Variants in KIAA1217 observed in about 807,000 individuals in gnomAD.
KIAA1217 encodes KIAA1217.
Under a neutral mutation model 163.9 loss-of-function variants are expected in KIAA1217, and 88 were observed. The ratio of observed to expected loss-of-function variants is 0.54; its 90% CI spans 0.45 to 0.64. The LOEUF is 0.64. KIAA1217 is among the 30% of genes least tolerant of loss of function. The pLI, the probability that KIAA1217 is intolerant of heterozygous loss-of-function variation, is 0.00. For missense variants in KIAA1217, 2,372 were observed against 2,475.0 expected (o/e 0.96, Z 0.88); for synonymous variants, 903 against 923.1 (o/e 0.98, Z 0.39).
intron 1 of KIAA1217, among the ~76,000 whole-genome samples, chr10:23,876,057 C>A (rs1017684036): frequency 7.3e-5 from 11 of 151,164 alleles, no homozygotes; most frequent in African/African-American, 2.7e-4. Context: ...ATGTAACAAA[C>A]CTGCATGTTG....
intron 1 of KIAA1217, among the ~76,000 whole-genome samples, chr10:23,902,100 T>C (rs1404507421): frequency 6.6e-6 from 1 of 152,070 alleles, no homozygotes; most frequent in African/African-American, 2.4e-5. Flanking sequence ...CTAGCAGTTC[T>C]TATCTCATTT....
chr10:24,423,472 T>A (rs1265311487), intron 3 of KIAA1217, among the ~76,000 whole-genome samples: 2 of 146,092 alleles, frequency 1.4e-5, no homozygotes, highest in South Asian at 2.1e-4. Context: ...TTTGTTTTGT[T>A]TTTTTGAGAG....
At chr10:24,116,022 A>G (rs959604156) in intron 2 of KIAA1217, among the ~76,000 whole-genome samples, 1 of 151,910 alleles carries the variant, frequency 6.6e-6, no homozygotes, top group Admixed American at 6.6e-5. Context: ...GTGCTTCCCA[A>G]TCCTCACTCT....
Position 23,708,770 on chromosome 10 carries a change from T to C in KIAA1217, c.-321+13536T>C, listed in dbSNP as rs530362813. ...ATGAGGCGTTTTAAAGGGGGACTAA[T>C]GCAAAAAACATATATGGATGAAGAA... is the stretch of plus-strand genomic sequence containing the variant. On this transcript the variant is annotated intron_variant, in intron 1 of 18. Transcript: ENST00000376462. Among the ~76,000 whole-genome samples the C allele has an allele frequency of 5.3e-5, 8 of 152,156 alleles. No individual in the cohort carries two copies. In the East Asian group the frequency reaches 1.5e-3, roughly 29 times the overall value.
At chr10:23,724,977 G>A (rs185504786) in intron 1 of KIAA1217, among the ~76,000 whole-genome samples, 12 of 151,838 alleles carry the variant, frequency 7.9e-5, no homozygotes, top group Admixed American at 7.9e-4. Context: ...GCTGCTTGAA[G>A]TCATTGGTTC....
chr10:24,113,517 C>G (rs72773171), intron 2 of KIAA1217, among the ~76,000 whole-genome samples: 1,924 of 152,304 alleles, frequency 0.013, 20 homozygotes, highest in South Asian at 0.045. Flanking sequence ...TAGAAGATGA[C>G]AGCATCCACT....
At chr10:24,151,401 G>A (rs1309972837) in intron 2 of KIAA1217, among the ~76,000 whole-genome samples, 1 of 148,784 alleles carries the variant, frequency 6.7e-6, no homozygotes, top group Non-Finnish European at 1.5e-5. Flanking sequence ...ATGCTGGGCA[G>A]GTATAGAATC....
chr10:23,790,408 C>CATATACAT (rs772782675), intron 1 of KIAA1217, among the ~76,000 whole-genome samples: 2 of 104,650 alleles, frequency 1.9e-5, no homozygotes, highest in Non-Finnish European at 3.6e-5. Flanking sequence ...TACATATATA[C>CATATACAT]ATATACATAT....
At chr10:23,761,382 G>A (rs1344764254) in intron 1 of KIAA1217, among the ~76,000 whole-genome samples, 1 of 152,214 alleles carries the variant, frequency 6.6e-6, no homozygotes, top group East Asian at 1.9e-4. Flanking sequence ...GCTTTCTGAT[G>A]TGAGCATTTA....
chr10:23,834,677 C>T (rs1015559474), intron 1 of KIAA1217, among the ~76,000 whole-genome samples: 1 of 152,014 alleles, frequency 6.6e-6, no homozygotes, highest in Non-Finnish European at 1.5e-5. Context: ...AAGAAAGGAA[C>T]AGGTAGAAGC....
chr10:24,353,809 T>G (rs2048748912), intron 2 of KIAA1217, among the ~76,000 whole-genome samples: 1 of 152,226 alleles, frequency 6.6e-6, no homozygotes, highest in East Asian at 1.9e-4. Context: ...GGGATGAGCA[T>G]TACACTTCTT....
chr10:23,742,158 G>A (rs962015683), intron 1 of KIAA1217, among the ~76,000 whole-genome samples: 5 of 152,086 alleles, frequency 3.3e-5, no homozygotes, highest in Admixed American at 6.5e-5. Flanking sequence ...TGGTGGAGTC[G>A]CTCTGGGGTT....
At chr10:23,710,856 A>G (rs959852878) in intron 1 of KIAA1217, among the ~76,000 whole-genome samples, 1 of 152,212 alleles carries the variant, frequency 6.6e-6, no homozygotes, top group Non-Finnish European at 1.5e-5. Flanking sequence ...GAACCGGGTC[A>G]CCATCTATCC....
intron 1 of KIAA1217, among the ~76,000 whole-genome samples, chr10:23,753,938 T>C (rs1833783674): frequency 6.6e-6 from 1 of 152,214 alleles, no homozygotes; most frequent in African/African-American, 2.4e-5. Context: ...ATTCCTACTT[T>C]CTTGCTAGAC....
chr10:23,732,172 T>C (rs1838514613), intron 1 of KIAA1217, among the ~76,000 whole-genome samples: 1 of 152,130 alleles, frequency 6.6e-6, no homozygotes, highest in Non-Finnish European at 1.5e-5. Context: ...GTGTAATTTC[T>C]TCTTTAAATG....
chr10:24,082,696 C>T (rs577245894), intron 2 of KIAA1217, among the ~76,000 whole-genome samples: 1 of 152,154 alleles, frequency 6.6e-6, no homozygotes, highest in African/African-American at 2.4e-5. Flanking sequence ...AATAGTGCTG[C>T]AATGAACATA....
At chr10:24,404,195 C>T (rs545655568) in intron 3 of KIAA1217, among the ~76,000 whole-genome samples, 41 of 152,168 alleles carry the variant, frequency 2.7e-4, no homozygotes, top group African/African-American at 7.7e-4. Flanking sequence ...TGGGGTCAAG[C>T]GAGGAGCCTC....
upstream of KIAA1217, among the ~76,000 whole-genome samples, chr10:24,205,286 G>A (rs7911970): frequency 0.56 from 69,087 of 123,762 alleles, 18,793 homozygotes; most frequent in Middle Eastern, 0.64. Flanking sequence ...GTGAAACCCC[G>A]TCTCTACTAA....
chr10:24,189,515 G>C (rs933769858), intron 2 of KIAA1217, among the ~76,000 whole-genome samples: 8 of 152,156 alleles, frequency 5.3e-5, no homozygotes, highest in African/African-American at 1.9e-4. Flanking sequence ...ATGCAGAGGA[G>C]AAAGAGTAAT....
Sources: allele counts gnomAD v4.1 joint callset (sites outside exome capture counted in the v4.1 genomes callset), GRCh38; gene constraint gnomAD v4.1.1; transcripts MANE v1.5; gene names NCBI Gene and HGNC (gene_info 2026-07-23, HGNC 2026-07-21).